TMSB15B: variants seen among roughly 807,000 people sequenced by gnomAD.
TMSB15B encodes thymosin beta 15B, also known as thymosin beta-15B.
intron 1 of TMSB15B, among the ~76,000 whole-genome samples, chrX:103,938,593 C>T (rs2075004941): frequency 8.9e-6 from 1 of 112,038 alleles, no homozygotes; most frequent in Non-Finnish European, 1.9e-5. Context: ...ACTGATGGGT[C>T]TTGGCTCTTT....
chrX:103,925,380 A>G (rs1454983181), intron 1 of TMSB15B, among the ~76,000 whole-genome samples: 1 of 112,647 alleles, frequency 8.9e-6, no homozygotes. Context: ...GATTGGATTT[A>G]TACAATGGAT....
intron 1 of TMSB15B, among the ~76,000 whole-genome samples, chrX:103,920,569 G>C (rs1480725983): frequency 2.7e-5 from 3 of 112,693 alleles, no homozygotes; most frequent in African/African-American, 9.7e-5. Context: ...TCCTGGAACT[G>C]TATGCAAAGA....
At chrX:103,952,416 T>C (rs180923603) in intron 1 of TMSB15B, among the ~76,000 whole-genome samples, 190 of 111,420 alleles carry the variant, frequency 1.7e-3, no homozygotes, top group African/African-American at 6.0e-3. Context: ...AGCAGTAAAG[T>C]CACTTACACA....
chrX:103,936,488 C>A (rs1361789507), intron 1 of TMSB15B, among the ~76,000 whole-genome samples: 1 of 112,071 alleles, frequency 8.9e-6, no homozygotes, highest in Non-Finnish European at 1.9e-5. Flanking sequence ...GATTTTTGCA[C>A]ATTGATTTTG....
intron 1 of TMSB15B, among the ~76,000 whole-genome samples, chrX:103,943,003 T>C (rs2075016520): frequency 9.0e-6 from 1 of 111,668 alleles, no homozygotes; most frequent in Non-Finnish European, 1.9e-5. Context: ...ATAAAGATGC[T>C]ACTAATTCAT....
chrX:103,951,537 T>A (rs782358277), intron 1 of TMSB15B, among the ~76,000 whole-genome samples: 1 of 112,105 alleles, frequency 8.9e-6, no homozygotes, highest in African/African-American at 3.2e-5. Flanking sequence ...CATTAAAGTC[T>A]GGTTGGAGTT....
chrX:103,919,888 G>A (rs1556317156), intron 1 of TMSB15B, among the ~76,000 whole-genome samples: 2 of 111,457 alleles, frequency 1.8e-5, no homozygotes, highest in African/African-American at 6.6e-5. Flanking sequence ...CTGCAGCATT[G>A]TCTGAAGAGC....
In TMSB15B at chrX:103,925,285, G is replaced by C. The variant is rs1173816602; in HGVS notation, c.-721+5993G>C. 6.2e-5 allele frequency among the ~76,000 whole-genome samples: 7 copies of C among 112,009 alleles called. No individual in the cohort carries two copies. The East Asian group carries it at 1.7e-3, about 27-fold the overall frequency. On this transcript the variant is annotated intron_variant, in intron 1 of 3. Coordinates refer to the TMSB15B transcript ENST00000419165. Reference sequence around the variant, plus strand: ...AGTGGCAGAGGCAGTATTCAGTCTCGGGTCTGTCTGCCCTTTCCAAAGCCT... The same window carrying C: ...AGTGGCAGAGGCAGTATTCAGTCTCCGGTCTGTCTGCCCTTTCCAAAGCCT...
chrX:103,955,378 G>C (rs2075048831), intron 1 of TMSB15B, among the ~76,000 whole-genome samples: 1 of 110,778 alleles, frequency 9.0e-6, no homozygotes, highest in South Asian at 3.8e-4. Flanking sequence ...CCAATGCAAG[G>C]AAGTTAGAAA....
At chrX:103,931,432 T>C (rs2074984575) in intron 1 of TMSB15B, 1 of 111,731 alleles carries the variant, frequency 9.0e-6, no homozygotes, top group African/African-American at 3.3e-5. Context: ...TTAATGTTTC[T>C]CCCCATTTGC....
At chrX:103,947,546 G>C (rs1157128078) in intron 1 of TMSB15B, among the ~76,000 whole-genome samples, 1 of 111,897 alleles carries the variant, frequency 8.9e-6, no homozygotes, top group African/African-American at 3.2e-5. Context: ...TGCCTAACAG[G>C]ATACCTTCTT....
At chrX:103,920,650 C>G (rs1395664719) in intron 1 of TMSB15B, among the ~76,000 whole-genome samples, 1 of 112,818 alleles carries the variant, frequency 8.9e-6, no homozygotes, top group Non-Finnish European at 1.9e-5. Flanking sequence ...ATAATGTCTT[C>G]CTTCTTCAAG....
chrX:103,926,375 T>A (rs2074967936), intron 1 of TMSB15B, among the ~76,000 whole-genome samples: 1 of 79,793 alleles, frequency 1.3e-5, no homozygotes, highest in Non-Finnish European at 2.3e-5. Flanking sequence ...GGGGTATGAA[T>A]GAGATTGTGA....
chrX:103,928,863 G>A (rs2074976864), intron 1 of TMSB15B: 1 of 1,203,854 alleles, frequency 8.3e-7, no homozygotes, highest in Non-Finnish European at 1.1e-6. Flanking sequence ...CCTCTGCCCA[G>A]GATGTGTGGA....
Position 103,942,162 on chromosome X carries a change from G to T in TMSB15B, c.-720-19859G>T, listed in dbSNP as rs190369626. On this transcript the variant is annotated intron_variant, in intron 1 of 3. Transcript: ENST00000419165. ...CTTTTTTATGGTAAGTGCTTTTTGT[G>T]TCTTTTCAATGAAATCGTTCTATAC... Among the ~76,000 whole-genome samples, 705 of 111,395 alleles carry T rather than the reference G, an allele frequency of 6.3e-3. 3 individuals carry two copies. The highest frequency in any genetic ancestry group is 0.015 in the South Asian group (41 of 2,664).
At chrX:103,948,537 A>T (rs782098044) in intron 1 of TMSB15B, among the ~76,000 whole-genome samples, 2 of 112,604 alleles carry the variant, frequency 1.8e-5, no homozygotes, top group Non-Finnish European at 3.8e-5. Context: ...AATGTCTATG[A>T]GGATGGAAAT....
chrX:103,919,837 T>C lies in TMSB15B; in HGVS notation c.-721+545T>C, dbSNP rs55683959. 4.4e-3 allele frequency among the ~76,000 whole-genome samples: 498 copies of C among 112,153 alleles called. 5 individuals are homozygous for C. The highest frequency in any genetic ancestry group is 0.015 in the African/African-American group (473 of 30,782). ...CAGCAAAGAAGTTACAGCATCCAAC[T>C]TAGCACCTGTATGTTGCTCTCTAGA... On this transcript the variant is annotated intron_variant, in intron 1 of 3. Transcript: ENST00000419165.
At chrX:103,937,219 G>A (rs1352470377) in intron 1 of TMSB15B, among the ~76,000 whole-genome samples, 1 of 111,933 alleles carries the variant, frequency 8.9e-6, no homozygotes, top group South Asian at 3.7e-4. Context: ...TGTTTCTATT[G>A]TTTGGAATAG....
chrX:103,921,336 C>T (rs1438006500), intron 1 of TMSB15B, among the ~76,000 whole-genome samples: 3 of 111,910 alleles, frequency 2.7e-5, no homozygotes, highest in African/African-American at 6.5e-5. Flanking sequence ...TCCCCTGTCC[C>T]GTGACATCTG....
Sources: allele counts gnomAD v4.1 joint callset (sites outside exome capture counted in the v4.1 genomes callset), GRCh38; gene constraint gnomAD v4.1.1; transcripts MANE v1.5; gene names NCBI Gene and HGNC (gene_info 2026-07-23, HGNC 2026-07-21).